RANBP2: variants seen among roughly 807,000 people sequenced by gnomAD.
RANBP2 encodes the protein RAN binding protein 2.
RANBP2 carries 57 observed loss-of-function variants against 303.6 expected under a neutral mutation model. The observed-to-expected ratio is 0.19, with a 90% CI of 0.15 to 0.23. The LOEUF is 0.23. Ranked by LOEUF, RANBP2 falls within the 10% of genes least tolerant of loss-of-function variation. RANBP2 has a pLI of 1.00. For synonymous variants in RANBP2, 1,167 were observed against 1,301.5 expected, an observed-to-expected ratio of 0.90 and a Z score of 2.23; for missense variants, 3,138 against 3,780.8, an observed-to-expected ratio of 0.83 and a Z score of 4.46.
chr2:108,795,029 T>C, the RANBP2 span, among the ~76,000 whole-genome samples: 3 of 140,954 alleles, frequency 2.1e-5, no homozygotes, highest in Non-Finnish European at 4.7e-5. Context: ...TTGATGTAGA[T>C]GCTCTAGCTT....
At chr2:109,009,911 C>T in the RANBP2 span, among the ~76,000 whole-genome samples, 1 of 152,056 alleles carries the variant, frequency 6.6e-6, no homozygotes, top group Non-Finnish European at 1.5e-5. Context: ...ATACATGCAA[C>T]TTTGTGTGCT....
chr2:108,990,159 C>T, the RANBP2 span, among the ~76,000 whole-genome samples: 1 of 152,054 alleles, frequency 6.6e-6, no homozygotes, highest in African/African-American at 2.4e-5. Flanking sequence ...AGGCCGGGCG[C>T]GGTGGCTCAC....
At chr2:109,134,959 T>G in the RANBP2 span, among the ~76,000 whole-genome samples, 1 of 152,220 alleles carries the variant, frequency 6.6e-6, no homozygotes, top group South Asian at 2.1e-4. Flanking sequence ...GACATTAGTC[T>G]GAGTGGCCTA....
the RANBP2 span, among the ~76,000 whole-genome samples, chr2:109,420,507 G>A: frequency 6.6e-6 from 1 of 152,060 alleles, no homozygotes; most frequent in South Asian, 2.1e-4. Flanking sequence ...GTGCAATGGC[G>A]CGATCCCGGC....
the RANBP2 span, among the ~76,000 whole-genome samples, chr2:109,001,272 G>T: frequency 1.8e-4 from 26 of 142,614 alleles, no homozygotes; most frequent in South Asian, 4.2e-4. Flanking sequence ...AAAGAATCAG[G>T]ACCCTCAGCT....
At chr2:109,422,590 C>T in the RANBP2 span, among the ~76,000 whole-genome samples, 1 of 129,094 alleles carries the variant, frequency 7.7e-6, no homozygotes, top group Non-Finnish European at 1.7e-5. Context: ...TCCTGCACCC[C>T]CTTTCCACCC....
the RANBP2 span, among the ~76,000 whole-genome samples, chr2:108,956,862 C>T: frequency 1.3e-5 from 2 of 152,026 alleles, no homozygotes; most frequent in South Asian, 4.2e-4. Flanking sequence ...GATCTCAGCA[C>T]ACCGCAACCT....
chr2:109,585,143 T>C, the RANBP2 span: 1 of 1,579,266 alleles, frequency 6.3e-7, no homozygotes, highest in Non-Finnish European at 8.6e-7. Flanking sequence ...CTTTATTTAT[T>C]TGGTCACCAA....
the RANBP2 span, among the ~76,000 whole-genome samples, chr2:108,851,361 G>C: frequency 6.6e-6 from 1 of 152,094 alleles, no homozygotes; most frequent in Non-Finnish European, 1.5e-5. Flanking sequence ...GAGTGCAATG[G>C]CGTGATCTTG....
chr2:109,729,027 C>T, the RANBP2 span, among the ~76,000 whole-genome samples: 1 of 152,176 alleles, frequency 6.6e-6, no homozygotes, highest in Non-Finnish European at 1.5e-5. Flanking sequence ...GAGCATTCAG[C>T]TGTTACTAGC....
At chr2:109,177,558 G>A in the RANBP2 span, among the ~76,000 whole-genome samples, 1 of 151,996 alleles carries the variant, frequency 6.6e-6, no homozygotes, top group Non-Finnish European at 1.5e-5. Context: ...CTGGGGGGGG[G>A]CACCATTCCT....
chr2:109,473,482 A>G, the RANBP2 span, among the ~76,000 whole-genome samples: 90 of 152,280 alleles, frequency 5.9e-4, 1 homozygote, highest in South Asian at 1.0e-3. Flanking sequence ...AAAATAGCAG[A>G]TATAGGTGAT....
the RANBP2 span, among the ~76,000 whole-genome samples, chr2:108,850,702 C>T: frequency 6.6e-6 from 1 of 152,178 alleles, no homozygotes; most frequent in Admixed American, 6.6e-5. Context: ...CTGCCCGCCT[C>T]AACCTCCCAA....
the RANBP2 span, among the ~76,000 whole-genome samples, chr2:109,561,315 G>A: frequency 5.9e-5 from 9 of 152,044 alleles, no homozygotes; most frequent in South Asian, 4.2e-4. Context: ...AAGTCTTCCC[G>A]AATTTTCCAG....
chr2:109,397,099 A>C, the RANBP2 span, among the ~76,000 whole-genome samples: 1 of 152,158 alleles, frequency 6.6e-6, no homozygotes, highest in Non-Finnish European at 1.5e-5. Flanking sequence ...GTGCTGCTGC[A>C]GAGACCCTGT....
At chr2:109,240,867 A>C in the RANBP2 span, among the ~76,000 whole-genome samples, 1 of 86,556 alleles carries the variant, frequency 1.2e-5, no homozygotes, top group South Asian at 3.9e-4. Flanking sequence ...TGCCCTTGGG[A>C]ACTTGATTCC....
the RANBP2 span, among the ~76,000 whole-genome samples, chr2:109,267,153 T>G: frequency 6.6e-6 from 1 of 151,804 alleles, no homozygotes; most frequent in African/African-American, 2.4e-5. Context: ...AGGATGGGAG[T>G]TGCTTCCGAT....
the RANBP2 span, among the ~76,000 whole-genome samples, chr2:109,459,113 T>G: frequency 4.2e-4 from 64 of 152,278 alleles, no homozygotes; most frequent in South Asian, 8.3e-4. Flanking sequence ...GTGCTTCGTC[T>G]TCTTCTTGAT....
chr2:109,279,369 TG>T, the RANBP2 span, among the ~76,000 whole-genome samples: 9 of 152,234 alleles, frequency 5.9e-5, no homozygotes, highest in African/African-American at 1.9e-4. Context: ...AAATCGGCAG[TG>T]GCAGGTTCTT....
Sources: allele counts gnomAD v4.1 joint callset (sites outside exome capture counted in the v4.1 genomes callset), GRCh38; gene constraint gnomAD v4.1.1; transcripts MANE v1.5; gene names NCBI Gene and HGNC (gene_info 2026-07-23, HGNC 2026-07-21).